Variants in SLC9A9 observed in about 807,000 individuals in gnomAD.
The protein encoded by SLC9A9 is sodium/hydrogen exchanger 9.
Under a neutral mutation model 77.8 loss-of-function variants are expected in SLC9A9, and 62 were observed. The observed-to-expected ratio is 0.80, with a 90% CI of 0.65 to 0.98. SLC9A9 has a LOEUF of 0.98. Ranked by LOEUF, SLC9A9 falls within the 50% of genes least tolerant of loss-of-function variation. The pLI is 0.00. For missense variants in SLC9A9, 775 were observed against 774.9 expected (o/e 1.00, Z 0.00); for synonymous variants, 320 against 283.5 (o/e 1.13, Z -1.29).
intron 4 of SLC9A9, among the ~76,000 whole-genome samples, chr3:143,739,164 T>G (rs936829141): frequency 3.3e-5 from 5 of 152,012 alleles, no homozygotes; most frequent in African/African-American, 1.2e-4. Context: ...ACCCTGCAGC[T>G]CTCGTGGGGC....
At chr3:143,620,901 C>A (rs563011554) in intron 6 of SLC9A9, among the ~76,000 whole-genome samples, 4 of 152,238 alleles carry the variant, frequency 2.6e-5, no homozygotes, top group African/African-American at 9.6e-5. Flanking sequence ...CCTGGAAAAT[C>A]GGGTCACTCC....
chr3:143,547,253 A>G (rs1340336999), intron 9 of SLC9A9, among the ~76,000 whole-genome samples: 1 of 152,154 alleles, frequency 6.6e-6, no homozygotes, highest in Non-Finnish European at 1.5e-5. Flanking sequence ...TCATCTGTAT[A>G]TGATATGCAA....
chr3:143,279,151 A>G (rs1227154410), intron 14 of SLC9A9, among the ~76,000 whole-genome samples: 1 of 132,302 alleles, frequency 7.6e-6, no homozygotes, highest in East Asian at 1.9e-4. Flanking sequence ...TGCAGTGTTC[A>G]TAACATTCTT....
At chr3:143,761,497 A>G (rs536388772) in intron 4 of SLC9A9, among the ~76,000 whole-genome samples, 38 of 152,328 alleles carry the variant, frequency 2.5e-4, no homozygotes, top group Non-Finnish European at 4.9e-4. Flanking sequence ...AATTTACCAG[A>G]AAAAAACAAA....
chr3:143,618,144 C>T (rs1485439160), intron 6 of SLC9A9, among the ~76,000 whole-genome samples: 1 of 152,152 alleles, frequency 6.6e-6, no homozygotes, highest in African/African-American at 2.4e-5. Flanking sequence ...AGTGCTGGAA[C>T]CGTGGGAGGA....
At chr3:143,578,465 G>A in intron 7 of SLC9A9, 120 bp downstream of exon 7, 7 of 1,481,176 alleles carry the variant, frequency 4.7e-6, no homozygotes, top group South Asian at 1.2e-5. Context: ...GGTGCCGTAT[G>A]AAACTTGGAC....
chr3:143,610,680 G>A (rs2038009728), intron 6 of SLC9A9, among the ~76,000 whole-genome samples: 1 of 152,170 alleles, frequency 6.6e-6, no homozygotes, highest in Non-Finnish European at 1.5e-5. Flanking sequence ...GAAATCCATA[G>A]AACGAACTGT....
At chr3:143,610,720 C>T (rs149168922) in intron 6 of SLC9A9, among the ~76,000 whole-genome samples, 130 of 152,284 alleles carry the variant, frequency 8.5e-4, no homozygotes, top group African/African-American at 3.0e-3. Context: ...CCACACAGGG[C>T]TCCCAGAATG....
chr3:143,805,138 T>A (rs532096153), intron 2 of SLC9A9, among the ~76,000 whole-genome samples: 1 of 152,306 alleles, frequency 6.6e-6, no homozygotes, highest in East Asian at 1.9e-4. Flanking sequence ...GTCCTCCCAA[T>A]TCTTAGTCCT....
intron 4 of SLC9A9, among the ~76,000 whole-genome samples, chr3:143,763,569 C>T (rs1424266942): frequency 6.6e-6 from 1 of 152,116 alleles, no homozygotes; most frequent in East Asian, 1.9e-4. Context: ...ATTCAGCCTC[C>T]TGTGATAGGT....
chr3:143,836,449 T>C (rs1272294036), intron 1 of SLC9A9, among the ~76,000 whole-genome samples: 2 of 152,214 alleles, frequency 1.3e-5, no homozygotes, highest in Non-Finnish European at 2.9e-5. Context: ...CCTCCGAGTT[T>C]ATGTAGTCAG....
rs757989173 is a variant in SLC9A9, at chr3:143,682,242, G to T, written c.649+10950C>A. Among the ~76,000 whole-genome samples the T allele has an allele frequency of 1.9e-4, 29 of 152,100 alleles. 1 individual carries two copies. Among genetic ancestry groups the T allele is most frequent in the Admixed American group, 1.4e-3 (21 of 15,250 alleles). On this transcript the variant is annotated intron_variant, in intron 5 of 15. Transcript: ENST00000316549. ...AGTCACTACTTTCCCAGAATCCACT[G>T]CTGACCTTCATGAATTTTTTTAAAG...
At position 143,543,734 on chromosome 3, in the gene SLC9A9, T is replaced by C. The variant is rs142841492; in HGVS notation, c.1089+8628A>G. Among the ~76,000 whole-genome samples the C allele has an allele frequency of 9.1e-5, 11 of 120,260 alleles. No individual in the cohort carries two copies. The East Asian group carries it at 1.9e-3, about 21-fold the overall frequency. The allele number at this position is 120,260 out of a possible 152,430, so 78.9% of individuals were successfully genotyped here. A position where few individuals can be genotyped will look rare whatever the true frequency, so the allele number is the denominator to read the frequency against. On this transcript the variant is annotated intron_variant, in intron 9 of 15. Coordinates refer to ENST00000316549, the MANE Select transcript of SLC9A9 (RefSeq NM_173653.4). ...AAGCACATGATTTCATTCTTCTGTA[T>C]GGATGTGTAGTATTCTGTGGTGTAT...
At chr3:143,505,578 T>A (rs2036000389) in intron 9 of SLC9A9, among the ~76,000 whole-genome samples, 1 of 152,166 alleles carries the variant, frequency 6.6e-6, no homozygotes, top group African/African-American at 2.4e-5. Context: ...TATTTCTTTG[T>A]TTGAGAATTT....
intron 14 of SLC9A9, among the ~76,000 whole-genome samples, chr3:143,344,230 T>C (rs998052766): frequency 2.6e-5 from 4 of 152,180 alleles, no homozygotes; most frequent in South Asian, 2.1e-4. Flanking sequence ...TTCATATGGG[T>C]GCAAGAGTTT....
chr3:143,843,772 T>C (rs987140577), intron 1 of SLC9A9, among the ~76,000 whole-genome samples: 5 of 152,214 alleles, frequency 3.3e-5, no homozygotes, highest in African/African-American at 1.2e-4. Context: ...AAATTTCTTT[T>C]ATGAGCACTG....
At chr3:143,393,469 A>G (rs2033620865) in intron 12 of SLC9A9, among the ~76,000 whole-genome samples, 1 of 152,270 alleles carries the variant, frequency 6.6e-6, no homozygotes, top group Non-Finnish European at 1.5e-5. Context: ...AGGGAAACTT[A>G]TAGCACTAAA....
At chr3:143,794,448 ACT>A (rs2008316053) in intron 4 of SLC9A9, among the ~76,000 whole-genome samples, 1 of 152,114 alleles carries the variant, frequency 6.6e-6, no homozygotes. Flanking sequence ...ATAACGTGTG[ACT>A]TAGGGCTCAG....
At chr3:143,724,561 T>C (rs1299436085) in intron 4 of SLC9A9, among the ~76,000 whole-genome samples, 1 of 152,196 alleles carries the variant, frequency 6.6e-6, no homozygotes, top group Admixed American at 6.5e-5. Flanking sequence ...TGGGAAATGA[T>C]GGACAGTTGA....
Sources: gnomAD v4.1 joint callset for allele counts (sites outside exome capture counted in the v4.1 genomes callset) on GRCh38, gnomAD v4.1.1 for gene constraint, MANE v1.5 for transcripts, NCBI Gene and HGNC (gene_info 2026-07-23, HGNC 2026-07-21) for gene names.